The following BPIFB4 variants were observed in gnomAD, a reference collection of about 807,000 sequenced individuals.
BPIFB4 encodes the protein BPI fold-containing family B member 4.
A neutral mutation model predicts 69.2 loss-of-function variants in BPIFB4; 62 were observed. The ratio of observed to expected loss-of-function variants is 0.90; its 90% CI spans 0.73 to 1.11. BPIFB4 has a LOEUF of 1.11. Ranked by LOEUF, BPIFB4 falls within the 50% of genes least tolerant of loss-of-function variation. The pLI is 0.00. For synonymous variants in BPIFB4, 330 were observed against 332.7 expected, an observed-to-expected ratio of 0.99 and a Z score of 0.09; for missense variants, 789 against 792.0, an observed-to-expected ratio of 1.00 and a Z score of 0.04.
intron 12 of BPIFB4, among the ~76,000 whole-genome samples, chr20:33,095,851 C>T (rs1981739096): frequency 6.6e-6 from 1 of 152,046 alleles, no homozygotes; most frequent in South Asian, 2.1e-4. Flanking sequence ...GTGCTTTTGT[C>T]CAATTAGTGA....
Position 33,082,957 on chromosome 20 carries a change from G to A in BPIFB4, c.126G>A (p.Gln42=), listed in dbSNP as rs1981279632. ...VLSNAISGML[Q]QSDALHSALR... Reference sequence around the variant, plus strand: ...CTGCAGCCATTTCAGGCATGCTGCAGCAAAGTGATGCTCTCCACTCGGCCC... The same window carrying A: ...CTGCAGCCATTTCAGGCATGCTGCAACAAAGTGATGCTCTCCACTCGGCCC... The change falls in exon 4 of 18, where the codon CAG becomes CAA. Residue 42 remains glutamine, a synonymous_variant. Transcript: ENST00000375483. 1 of 1,613,568 alleles carries A rather than the reference G, an allele frequency of 6.2e-7. No homozygotes were observed. The highest frequency in any genetic ancestry group is 1.1e-5 in the South Asian group (1 of 91,032).
In BPIFB4 at chr20:33,101,802, T is replaced by A. The variant is rs375754498; in HGVS notation, c.1638-1170T>A. Among the ~76,000 whole-genome samples, 53 of 152,316 alleles carry A rather than the reference T, an allele frequency of 3.5e-4. No homozygotes were observed. The South Asian group carries it at 0.01, about 29-fold the overall frequency. ...CTCAAGTGATCTGCCTGCCTCGGCC[T>A]CCCAAAGTTCTGGGATTATGGGCAT... is the stretch of plus-strand genomic sequence containing the variant. On this transcript the variant is annotated intron_variant, in intron 14 of 17. Coordinates refer to ENST00000375483, the MANE Select transcript of BPIFB4 (RefSeq NM_182519.3).
rs760760154 is a variant in BPIFB4 at position 33,111,415 on chromosome 20, AC to A, written c.1825del (p.Leu609PhefsTer4). ...GGCTACTCTGTTCTGCCATCCAAGG[AC>A]CTTTTGGTGCTGAGCGCATGAGTGA... is the stretch of plus-strand genomic sequence containing the variant. ...FSNADIDVLEDLLVLSA is the reference protein window; with the variant it reads ...FSNADIDVLEXLLVLSA On this transcript the variant is annotated frameshift_variant and splice_region_variant, in exon 18 of 18. Transcript: ENST00000375483. LOFTEE classifies it high-confidence loss of function. 6.2e-7 allele frequency: 1 copy of A among 1,613,884 alleles called. No homozygotes were observed. The highest frequency in any genetic ancestry group is 1.1e-5 in the South Asian group (1 of 91,070).
rs35666483 is a variant in BPIFB4, at chr20:33,104,851, G to A, written c.1722G>A (p.Leu574=). 1,196 of 1,614,114 alleles carry A rather than the reference G, an allele frequency of 7.4e-4. 6 individuals carry two copies. The African/African-American group carries it at 0.013, about 18-fold the overall frequency. Reference sequence around the variant, plus strand: ...TGCTGGTGGAGAAGATTTTTGACCTGGCATTCATGCCCGCAATGAACGGTG... The same window carrying A: ...TGCTGGTGGAGAAGATTTTTGACCTAGCATTCATGCCCGCAATGAACGGTG... The part of the protein sequence containing the change: ...MEVLVEKIFD[L]AFMPAMNAVL... Residue 574 remains leucine (L), a synonymous_variant, in exon 16 of 18, where the codon CTG becomes CTA. Transcript: ENST00000375483.
intron 15 of BPIFB4, 84 bp downstream of exon 15, chr20:33,103,098 G>C: frequency 6.8e-7 from 1 of 1,480,462 alleles, no homozygotes; most frequent in Non-Finnish European, 9.4e-7. Flanking sequence ...TTCCTGTGAG[G>C]CTGGCTGGGC....
intron 16 of BPIFB4, among the ~76,000 whole-genome samples, chr20:33,105,899 T>C (rs1377465144): frequency 2.6e-5 from 4 of 152,146 alleles, no homozygotes; most frequent in Non-Finnish European, 4.4e-5. Context: ...GGGGCGAGTC[T>C]TTTAATCATA....
intron 5 of BPIFB4, 34 bp downstream of exon 5, chr20:33,083,908 C>T: frequency 6.4e-7 from 1 of 1,557,830 alleles, no homozygotes; most frequent in Non-Finnish European, 8.7e-7. Context: ...CAGAAAGCCC[C>T]CATACACCTC....
chr20:33,097,529 G>A, intron 12 of BPIFB4, 88 bp from the exon 13 acceptor site: 1 of 1,377,594 alleles, frequency 7.3e-7, no homozygotes, highest in Non-Finnish European at 1.0e-6. Flanking sequence ...TGAGACCCCG[G>A]TGCTCTGTGT....
At chr20:33,108,423 C>CTATATATATATATGTCTATATATATATA (rs1555787221) in intron 17 of BPIFB4, among the ~76,000 whole-genome samples, 1,778 of 125,598 alleles carry the variant, frequency 0.014, 29 homozygotes, top group Non-Finnish European at 0.018. Context: ...ATATATATGT[C>CTATATATATATATGTCTATATATATATA]TATATATATA....
chr20:33,081,454 C>T (rs1456308634), intron 2 of BPIFB4, 58 bp from the exon 3 acceptor site: 2 of 1,536,198 alleles, frequency 1.3e-6, no homozygotes, highest in Non-Finnish European at 1.8e-6. Flanking sequence ...CTAGTGCTAC[C>T]TGCTGGCCAG....
chr20:33,081,898 C>T (rs1951315090), intron 3 of BPIFB4, among the ~76,000 whole-genome samples: 1 of 152,208 alleles, frequency 6.6e-6, no homozygotes, highest in Admixed American at 6.5e-5. Flanking sequence ...GATCAGCCTT[C>T]GTGGGGTTCA....
At chr20:33,095,071 T>G (rs1981718587) in intron 11 of BPIFB4, 29 bp from the exon 12 acceptor site, 1 of 1,587,028 alleles carries the variant, frequency 6.3e-7, no homozygotes, top group Non-Finnish European at 8.7e-7. Context: ...GCCTCCAGGA[T>G]TCACGTGGCC....
intron 17 of BPIFB4, among the ~76,000 whole-genome samples, chr20:33,109,615 C>T (rs62210240): frequency 0.024 from 3,648 of 152,176 alleles, 142 homozygotes; most frequent in African/African-American, 0.079. Flanking sequence ...ATGAATTTTT[C>T]TTTCCTGAAT....
intron 16 of BPIFB4, among the ~76,000 whole-genome samples, chr20:33,107,240 A>G (rs1257890331): frequency 1.0e-5 from 1 of 100,230 alleles, no homozygotes; most frequent in African/African-American, 3.4e-5. Context: ...GAAGGAAGGA[A>G]AGAAAAGAAA....
rs73615627 is a variant in BPIFB4, at chr20:33,082,148, C to G, written c.106+516C>G. 3.4e-3 allele frequency among the ~76,000 whole-genome samples: 518 copies of G among 152,234 alleles called. 8 individuals are homozygous for G. In the East Asian group the frequency reaches 0.035, roughly 10 times the overall value. ...GCTTTTGTCATCTAGCATGTGAGGA[C>G]ATACTTTCTCCCTCAACACCCATCC... On this transcript the variant is annotated intron_variant, in intron 3 of 17. Transcript: ENST00000375483.
chr20:33,095,062 C>T (rs1600558896), intron 11 of BPIFB4, 38 bp from the exon 12 acceptor site: 9 of 1,561,782 alleles, frequency 5.8e-6, no homozygotes, highest in East Asian at 4.5e-5. Context: ...GTACCGATAG[C>T]CTCCAGGATT....
chr20:33,085,028 C>T (rs1228077227), intron 6 of BPIFB4, 32 bp downstream of exon 6: 4 of 1,598,278 alleles, frequency 2.5e-6, no homozygotes, highest in Non-Finnish European at 3.4e-6. Context: ...GGGGTCCCCA[C>T]CACCCTATGG....
At position 33,083,771 on chromosome 20, in the gene BPIFB4, G is replaced by A. The variant is rs56408311; in HGVS notation, c.574G>A (p.Gly192Ser). Residue 192 changes from glycine to serine, a missense_variant, in exon 5 of 18, where the codon GGC becomes AGC. By Grantham distance (56) the Gly-to-Ser change is moderately conservative. This residue lies in a region of BPIFB4 where 611 missense variants were observed against 575.4 expected (regional missense o/e 1.06). Coordinates refer to ENST00000375483, the MANE Select transcript of BPIFB4 (RefSeq NM_182519.3). ...GILAGQGGLLGGGGLLGDGGL... is the reference protein window; with the variant it reads ...GILAGQGGLLSGGGLLGDGGL... The stretch of plus-strand genomic sequence containing the variant: ...CCTCGCAGGCCAAGGTGGCCTGCTC[G>A]GCGGAGGTGGTCTCCTTGGTGATGG... The A allele has an allele frequency of 2.2e-3, 3,553 of 1,613,912 alleles. 8 individuals are homozygous for A. The highest frequency in any genetic ancestry group is 2.7e-3 in the Non-Finnish European group (3,159 of 1,179,910).
At chr20:33,092,882 G>C (rs1401419585) in intron 11 of BPIFB4, among the ~76,000 whole-genome samples, 1 of 152,230 alleles carries the variant, frequency 6.6e-6, no homozygotes, top group Admixed American at 6.5e-5. Flanking sequence ...CTCACGATGA[G>C]AAAGTTGCTC....
Sources: gnomAD v4.1 joint callset for allele counts (sites outside exome capture counted in the v4.1 genomes callset) on GRCh38, gnomAD v4.1.1 for gene constraint, gnomAD v4.1.1 regional missense constraint, MANE v1.5 for transcripts, NCBI Gene and HGNC (gene_info 2026-07-23, HGNC 2026-07-21) for gene names.